The following CFAP54 variants were observed in gnomAD, a reference collection of about 807,000 sequenced individuals.
CFAP54 encodes the protein cilia- and flagella-associated protein 54.
CFAP54 carries 290 observed loss-of-function variants against 370.4 expected under a neutral mutation model. The observed-to-expected ratio is 0.78, with a 90% CI of 0.71 to 0.86. The LOEUF (loss-of-function observed/expected upper bound fraction) is 0.86, where lower values mean the gene tolerates loss of function less well. Among genes scored for constraint, CFAP54 ranks in the 40% least tolerant of loss-of-function variants. The pLI, the probability that CFAP54 is intolerant of heterozygous loss-of-function variation, is 0.00. For missense variants in CFAP54, 3,399 were observed against 3,528.7 expected, an observed-to-expected ratio of 0.96 and a Z score of 0.93; for synonymous variants, 1,206 against 1,236.5, an observed-to-expected ratio of 0.98 and a Z score of 0.52.
At chr12:96,669,951 T>A (rs1307394932) in intron 39 of CFAP54, among the ~76,000 whole-genome samples, 2 of 152,080 alleles carry the variant, frequency 1.3e-5, no homozygotes, top group Admixed American at 6.5e-5. Context: ...GCTGCGTCAG[T>A]CAAAATAGGC....
intron 66 of CFAP54, among the ~76,000 whole-genome samples, chr12:96,857,213 A>C (rs1165383420): frequency 6.6e-6 from 1 of 152,172 alleles, no homozygotes; most frequent in East Asian, 1.9e-4. Flanking sequence ...GTTCAAGATG[A>C]GATTTGAGTG....
At chr12:96,544,641 C>T (rs899846515) in intron 14 of CFAP54, among the ~76,000 whole-genome samples, 3 of 152,270 alleles carry the variant, frequency 2.0e-5, no homozygotes, top group Middle Eastern at 3.4e-3. Context: ...GAGGAAGGAA[C>T]GTGGCACAGA....
intron 39 of CFAP54, among the ~76,000 whole-genome samples, chr12:96,669,627 G>A (rs181252642): frequency 1.2e-3 from 190 of 152,284 alleles, no homozygotes; most frequent in African/African-American, 4.5e-3. Flanking sequence ...TTCTGGCTTG[G>A]GTAGCCAGAT....
chr12:96,647,493 A>AAAAAAAAAAAAAAC (rs1423964032), intron 33 of CFAP54, among the ~76,000 whole-genome samples: 1 of 149,454 alleles, frequency 6.7e-6, no homozygotes, highest in Non-Finnish European at 1.5e-5. Flanking sequence ...AAAAAAAAAA[A>AAAAAAAAAAAAAAC]AAAGAAATGC....
chr12:96,675,342 C>T (rs1481146916), intron 39 of CFAP54, among the ~76,000 whole-genome samples: 15 of 152,310 alleles, frequency 9.8e-5, no homozygotes, highest in Non-Finnish European at 2.1e-4. Context: ...AAAAAATGCT[C>T]ATCATCACTG....
intron 26 of CFAP54, among the ~76,000 whole-genome samples, chr12:96,609,852 A>G (rs1423928783): frequency 1.3e-5 from 2 of 152,238 alleles, no homozygotes; most frequent in Non-Finnish European, 2.9e-5. Flanking sequence ...TCTAAATAAA[A>G]GAACCATGGG....
chr12:96,524,907 A>G (rs539097363), intron 8 of CFAP54, among the ~76,000 whole-genome samples: 2 of 152,174 alleles, frequency 1.3e-5, no homozygotes, highest in Admixed American at 6.5e-5. Flanking sequence ...AGTTCTTTCA[A>G]ATCTTTTTTT....
rs754879442 is a variant in CFAP54 at position 96,624,000 on chromosome 12, G to C, written c.3886+119G>C. Reference sequence around the variant, plus strand: ...TGGTAAACCCTTTAAGGTTTACACAGTGCTTTTATATCATTAATCCTAACA... The same window carrying C: ...TGGTAAACCCTTTAAGGTTTACACACTGCTTTTATATCATTAATCCTAACA... On this transcript the variant is annotated intron_variant, in intron 28 of 67. Coordinates refer to ENST00000524981, the MANE Select transcript of CFAP54 (RefSeq NM_001306084.2). 2.0e-5 allele frequency: 13 copies of C among 641,120 alleles called. No individual in the cohort carries two copies. The Admixed American group carries it at 3.5e-4, about 17-fold the overall frequency. The allele number at this position is 641,120 out of a possible 1,614,324, so 39.7% of individuals were successfully genotyped here.
At chr12:96,801,061 G>T (rs1013872020) in intron 63 of CFAP54, among the ~76,000 whole-genome samples, 1 of 152,150 alleles carries the variant, frequency 6.6e-6, no homozygotes, top group Non-Finnish European at 1.5e-5. Flanking sequence ...ATTGTGTGAC[G>T]ATGCAATTTA....
intron 19 of CFAP54, chr12:96,572,943 G>A (rs1955937755): frequency 1.0e-6 from 1 of 985,262 alleles, no homozygotes; most frequent in South Asian, 4.7e-5. Context: ...CAAGAATTAA[G>A]TCAGAAGGTG....
At chr12:96,742,709 G>A (rs1958066597) in intron 52 of CFAP54, 123 bp downstream of exon 52, 3 of 980,048 alleles carry the variant, frequency 3.1e-6, no homozygotes, top group Non-Finnish European at 4.4e-6. Flanking sequence ...TCTGCTTATA[G>A]AATTAAAAAT....
chr12:96,555,950 G>GA (rs545295994), intron 17 of CFAP54, among the ~76,000 whole-genome samples: 5 of 149,864 alleles, frequency 3.3e-5, no homozygotes, highest in South Asian at 2.1e-4. Context: ...ATTCCTGAAG[G>GA]AAAAAAAAAT....
intron 34 of CFAP54, among the ~76,000 whole-genome samples, chr12:96,648,580 C>CTTT (rs11303164): frequency 1.2e-4 from 7 of 58,678 alleles, no homozygotes; most frequent in Admixed American, 2.6e-4. Flanking sequence ...AAACAGGGTT[C>CTTT]TTTTTTTTTT....
intron 63 of CFAP54, among the ~76,000 whole-genome samples, chr12:96,805,682 G>A (rs1402410696): frequency 6.6e-6 from 1 of 151,932 alleles, no homozygotes; most frequent in Non-Finnish European, 1.5e-5. Flanking sequence ...AAAGTAGAGA[G>A]ATTTCTCAGG....
chr12:96,717,127 A>G lies in CFAP54; in HGVS notation c.6725-1316A>G, dbSNP rs944899520. Among the ~76,000 whole-genome samples the G allele has an allele frequency of 5.3e-5, 8 of 152,332 alleles. No homozygotes were observed. In the East Asian group the frequency reaches 7.7e-4, roughly 15 times the overall value. On this transcript the variant is annotated intron_variant, in intron 48 of 67. Coordinates refer to ENST00000524981, the MANE Select transcript of CFAP54 (RefSeq NM_001306084.2). ...CTCATGTGGGACCCATGTTAATTTT[A>G]TCACACATGGGTTCATGAAAATGTC... is the stretch of plus-strand genomic sequence containing the variant.
chr12:96,633,114 G>C (rs575421227), intron 32 of CFAP54, among the ~76,000 whole-genome samples: 177 of 152,060 alleles, frequency 1.2e-3, no homozygotes, highest in Non-Finnish European at 2.1e-3. Context: ...GTTTTTTTGT[G>C]TGTGTGTGGA....
At chr12:96,867,210 A>C (rs1210721858) in intron 67 of CFAP54, among the ~76,000 whole-genome samples, 1 of 152,176 alleles carries the variant, frequency 6.6e-6, no homozygotes, top group Admixed American at 6.5e-5. Flanking sequence ...ATTCAAGCAT[A>C]CATTTGTTCA....
intron 26 of CFAP54, among the ~76,000 whole-genome samples, chr12:96,614,468 C>T (rs1956394258): frequency 6.6e-6 from 1 of 152,196 alleles, no homozygotes; most frequent in Admixed American, 6.5e-5. Context: ...CAGGGATGCC[C>T]TCTCTCACCA....
chr12:96,794,070 C>T (rs1244764338), intron 63 of CFAP54, among the ~76,000 whole-genome samples: 1 of 152,174 alleles, frequency 6.6e-6, no homozygotes, highest in South Asian at 2.1e-4. Flanking sequence ...AGACCCAGAT[C>T]TTTTCTAGCT....
Sources: allele counts gnomAD v4.1 joint callset (sites outside exome capture counted in the v4.1 genomes callset), GRCh38; gene constraint gnomAD v4.1.1; transcripts MANE v1.5; gene names NCBI Gene and HGNC (gene_info 2026-07-23, HGNC 2026-07-21).